SLC24A4: variants seen among roughly 807,000 people sequenced by gnomAD.
SLC24A4 encodes the protein sodium/potassium/calcium exchanger 4.
In SLC24A4, 53 loss-of-function variants were observed where a neutral mutation model predicts 79.0. The ratio of observed to expected loss-of-function variants is 0.67; its 90% CI spans 0.54 to 0.84. The LOEUF is 0.84. Ranked by LOEUF, SLC24A4 falls within the 40% of genes least tolerant of loss-of-function variation. SLC24A4 has a pLI of 0.00. For missense variants in SLC24A4, 731 were observed against 822.0 expected (o/e 0.89, Z 1.35); for synonymous variants, 323 against 323.8 (o/e 1.00, Z 0.03).
intron 2 of SLC24A4, among the ~76,000 whole-genome samples, chr14:92,340,531 C>T (rs1211909793): frequency 1.3e-5 from 2 of 151,992 alleles, no homozygotes; most frequent in Admixed American, 6.6e-5. Flanking sequence ...GCTGGCCTTG[C>T]AGGGTTCAGG....
At chr14:92,472,617 T>G (rs988256277) in intron 12 of SLC24A4, among the ~76,000 whole-genome samples, 2 of 152,200 alleles carry the variant, frequency 1.3e-5, no homozygotes, top group African/African-American at 4.8e-5. Context: ...CCATCATATA[T>G]ATGTGCACAT....
chr14:92,491,040 G>A (rs1740861264), intron 14 of SLC24A4, among the ~76,000 whole-genome samples: 1 of 152,126 alleles, frequency 6.6e-6, no homozygotes, highest in African/African-American at 2.4e-5. Context: ...AGAACTTCTG[G>A]GGCTGTTCAC....
At chr14:92,422,749 A>G (rs8010919) in intron 2 of SLC24A4, among the ~76,000 whole-genome samples, 62,822 of 152,102 alleles carry the variant, frequency 0.41, 13,237 homozygotes, top group Non-Finnish European at 0.44. Flanking sequence ...TTGTGTTGCC[A>G]ACTGGTGACT....
At chr14:92,367,062 C>T (rs1887886294) in intron 2 of SLC24A4, among the ~76,000 whole-genome samples, 1 of 152,128 alleles carries the variant, frequency 6.6e-6, no homozygotes, top group Admixed American at 6.5e-5. Flanking sequence ...GGTGGACACC[C>T]CGGGTACCAT....
At chr14:92,465,941 C>T (rs1894089954) in intron 12 of SLC24A4, among the ~76,000 whole-genome samples, 1 of 152,194 alleles carries the variant, frequency 6.6e-6, no homozygotes, top group Admixed American at 6.5e-5. Context: ...CTTCCTCTTC[C>T]CCACAAACCT....
rs372011438 is a variant in SLC24A4, at chr14:92,456,571, G to T, written c.1218G>T (p.Pro406=). The change falls in exon 12 of 17, where the codon CCG becomes CCT. Residue 406 remains proline (P), a synonymous_variant. Coordinates refer to ENST00000532405, the MANE Select transcript of SLC24A4 (RefSeq NM_153646.4). ...PPQPPPPEPE[P]VEADFLSPFS... is the part of the protein sequence containing the mutation. ...AGCCACCACCGCCAGAGCCAGAGCC[G>T]GTGGAGGCTGACTTCCTGTCCCCCT... 3.1e-6 allele frequency: 5 copies of T among 1,613,930 alleles called. No homozygotes were observed. The highest frequency in any genetic ancestry group is 4.2e-6 in the Non-Finnish European group (5 of 1,179,944).
chr14:92,459,393 G>A (rs1893664878), intron 12 of SLC24A4, among the ~76,000 whole-genome samples: 1 of 152,136 alleles, frequency 6.6e-6, no homozygotes, highest in Non-Finnish European at 1.5e-5. Flanking sequence ...ATGGCTCCTG[G>A]GTCCAGGTTC....
chr14:92,380,233 G>A (rs899022789), intron 2 of SLC24A4, among the ~76,000 whole-genome samples: 4 of 152,206 alleles, frequency 2.6e-5, no homozygotes, highest in Admixed American at 6.5e-5. Context: ...TTCCCTTGGA[G>A]CCCTCTGTCC....
At chr14:92,456,274 C>G in intron 11 of SLC24A4, 130 bp from the exon 12 acceptor site, 1 of 835,150 alleles carries the variant, frequency 1.2e-6, no homozygotes, top group Non-Finnish European at 1.9e-6. Flanking sequence ...GATTCTCAGG[C>G]AAACCTGTCC....
At chr14:92,421,356 T>C (rs1444131782) in intron 2 of SLC24A4, among the ~76,000 whole-genome samples, 1 of 152,154 alleles carries the variant, frequency 6.6e-6, no homozygotes, top group Non-Finnish European at 1.5e-5. Context: ...CCTAGAAAGT[T>C]CCTTGTGCCC....
chr14:92,325,968 C>T lies in SLC24A4; in HGVS notation c.231C>T (p.Cys77=). The T allele has an allele frequency of 6.2e-7, 1 of 1,605,540 alleles. No individual in the cohort carries two copies. Among genetic ancestry groups the T allele is most frequent in the Non-Finnish European group, 8.5e-7 (1 of 1,173,092 alleles). The change falls in exon 2 of 17, where the codon TGC becomes TGT. Residue 77 remains cysteine, a synonymous_variant. Coordinates refer to ENST00000532405, the MANE Select transcript of SLC24A4 (RefSeq NM_153646.4). ...ATGGGACACAGACAGCCAAGAACTGCACAGATCCTGGTAAGAAATCAATTC... is the reference window on the plus strand; with the variant it reads ...ATGGGACACAGACAGCCAAGAACTGTACAGATCCTGGTAAGAAATCAATTC... ...PVNGTQTAKN[C]TDPAIHEFPT... is the part of the protein sequence containing the mutation.
chr14:92,356,381 G>A (rs1439031281), intron 2 of SLC24A4, among the ~76,000 whole-genome samples: 1 of 152,202 alleles, frequency 6.6e-6, no homozygotes. Context: ...TTTTCCTTGT[G>A]AAATGTTTTT....
intron 14 of SLC24A4, among the ~76,000 whole-genome samples, chr14:92,489,587 C>G (rs542172697): frequency 5.9e-5 from 9 of 152,186 alleles, no homozygotes; most frequent in Admixed American, 5.9e-4. Context: ...GTCCTAGCCC[C>G]GAGCATCGGC....
rs564917846 is a variant in SLC24A4, at chr14:92,443,692, C to A, written c.657+218C>A. On this transcript the variant is annotated intron_variant, in intron 7 of 16. Coordinates refer to ENST00000532405, the MANE Select transcript of SLC24A4 (RefSeq NM_153646.4). ...AACCTCAGACCCAAAACCTCTCCCA[C>A]AGAAAGCAGGAGAGAATAAATCTTT... Among the ~76,000 whole-genome samples, 6 of 152,332 alleles carry A rather than the reference C, an allele frequency of 3.9e-5. No individual in the cohort carries two copies. In the South Asian group the frequency reaches 1.2e-3, roughly 32 times the overall value.
intron 12 of SLC24A4, among the ~76,000 whole-genome samples, chr14:92,467,974 G>A (rs1254467617): frequency 6.6e-6 from 1 of 152,170 alleles, no homozygotes; most frequent in Non-Finnish European, 1.5e-5. Flanking sequence ...GATGAGAGAG[G>A]AAGCAGTAAA....
At chr14:92,383,795 C>T (rs546446778) in intron 2 of SLC24A4, among the ~76,000 whole-genome samples, 5 of 152,340 alleles carry the variant, frequency 3.3e-5, no homozygotes, top group African/African-American at 1.2e-4. Context: ...TCAGCCTCCT[C>T]CTCTGAGCCC....
chr14:92,482,651 C>T (rs1362005019), intron 12 of SLC24A4, 29 bp from the exon 13 acceptor site: 16 of 1,571,498 alleles, frequency 1.0e-5, no homozygotes, highest in Non-Finnish European at 1.4e-5. Context: ...TCTCCCCCTC[C>T]TTTCTCACTC....
chr14:92,490,436 C>T lies in SLC24A4; in HGVS notation c.1538-1229C>T, dbSNP rs1168200604. 1.3e-5 allele frequency among the ~76,000 whole-genome samples: 2 copies of T among 152,218 alleles called. No individual in the cohort carries two copies. Among genetic ancestry groups the T allele is most frequent in the Admixed American group, 1.3e-4 (2 of 15,280 alleles). ...GGAAGGGGAAGGACGAGGACATGGG[C>T]CCCAGCCTCTGATGTGCTTCTAGCC... is the stretch of plus-strand genomic sequence containing the variant. On this transcript the variant is annotated intron_variant, in intron 14 of 16. Transcript: ENST00000532405. This position sits in a 1 kb window ranked among gnomAD's most constrained non-coding sequence, Gnocchi z 4.3.
chr14:92,468,099 A>G lies in SLC24A4; in HGVS notation c.1255+11491A>G, dbSNP rs144535979. 7.0e-3 allele frequency among the ~76,000 whole-genome samples: 1,072 copies of G among 152,310 alleles called. 11 individuals carry two copies. Among genetic ancestry groups the G allele is most frequent in the African/African-American group, 0.024 (996 of 41,546 alleles). ...GCAGCATACAAGATCAATATATACAATTCAGTTGTATTTTAACACCTTAGT... is the reference window on the plus strand; with the variant it reads ...GCAGCATACAAGATCAATATATACAGTTCAGTTGTATTTTAACACCTTAGT... On this transcript the variant is annotated intron_variant, in intron 12 of 16. Transcript: ENST00000532405.
Sources: allele counts gnomAD v4.1 joint callset (sites outside exome capture counted in the v4.1 genomes callset), GRCh38; gene constraint gnomAD v4.1.1; non-coding constraint Gnocchi (gnomAD v3.1); transcripts MANE v1.5; gene names NCBI Gene and HGNC (gene_info 2026-07-23, HGNC 2026-07-21).